HPSE: variants seen among roughly 807,000 people sequenced by gnomAD.
The protein encoded by HPSE is endo-glucoronidase.
HPSE carries 48 observed loss-of-function variants against 65.1 expected under a neutral mutation model. The ratio of observed to expected loss-of-function variants is 0.74; its 90% CI spans 0.58 to 0.94. HPSE has a LOEUF of 0.94. Among genes scored for constraint, HPSE ranks in the 40% least tolerant of loss-of-function variants. HPSE has a pLI of 0.00. For missense variants in HPSE, 644 were observed against 637.5 expected (o/e 1.01, Z -0.11); for synonymous variants, 243 against 260.0 (o/e 0.93, Z 0.63).
At chr4:83,306,662 C>T (rs1352433837) in intron 8 of HPSE, among the ~76,000 whole-genome samples, 2 of 152,150 alleles carry the variant, frequency 1.3e-5, no homozygotes, top group Non-Finnish European at 1.5e-5. Context: ...TTCTTCATTC[C>T]TGGGTGTAGG....
intron 8 of HPSE, among the ~76,000 whole-genome samples, chr4:83,307,323 A>AT (rs1553919478): frequency 6.6e-6 from 1 of 152,192 alleles, no homozygotes; most frequent in Non-Finnish European, 1.5e-5. Flanking sequence ...GTTCTGGTTT[A>AT]TTGATCTTTG....
chr4:83,315,976 C>G (rs1016962234), intron 3 of HPSE, among the ~76,000 whole-genome samples: 1 of 152,146 alleles, frequency 6.6e-6, no homozygotes, highest in South Asian at 2.1e-4. Flanking sequence ...GTAACATCTC[C>G]TGGAATAGAG....
rs542467019 is a variant in HPSE at position 83,331,064 on chromosome 4, C to T, written c.227+3492G>A. On this transcript the variant is annotated intron_variant, in intron 1 of 11. Transcript: ENST00000311412. ...TACTAAAAATACACAATTAGCCAGG[C>T]GTGGTGGTGCATGCCTCTAGTCCCA... Among the ~76,000 whole-genome samples the T allele has an allele frequency of 8.1e-4, 124 of 152,168 alleles. 1 individual carries two copies. The highest frequency in any genetic ancestry group is 2.9e-3 in the African/African-American group (119 of 41,490).
Position 83,300,687 on chromosome 4 carries a change from C to T in HPSE, c.1472+273G>A, listed in dbSNP as rs1196754276. Among the ~76,000 whole-genome samples, 2 of 72,016 alleles carry T rather than the reference C, an allele frequency of 2.8e-5. 1 individual carries two copies. Among genetic ancestry groups the T allele is most frequent in the South Asian group, 1.3e-3 (2 of 1,488 alleles). The allele number at this position is 72,016 out of a possible 152,430, so 47.2% of individuals were successfully genotyped here. ...AAAATTAGCCGGGCGTAGTGGCGGGCGCCTGTAGTCCCAGCTACTTGGGAG... is the reference window on the plus strand; with the variant it reads ...AAAATTAGCCGGGCGTAGTGGCGGGTGCCTGTAGTCCCAGCTACTTGGGAG... On this transcript the variant is annotated intron_variant, in intron 11 of 11. Coordinates refer to ENST00000311412, the MANE Select transcript of HPSE (RefSeq NM_001098540.3).
intron 11 of HPSE, among the ~76,000 whole-genome samples, chr4:83,299,451 C>T (rs909393431): frequency 6.7e-6 from 1 of 150,314 alleles, no homozygotes; most frequent in Non-Finnish European, 1.5e-5. Context: ...ACTTCTGGAT[C>T]TCTCCCCTGA....
chr4:83,310,883 G>T lies in HPSE; in HGVS notation c.681C>A (p.Asn227Lys). 2 of 1,611,478 alleles carry T rather than the reference G, an allele frequency of 1.2e-6. No individual in the cohort carries two copies. Among genetic ancestry groups the T allele is most frequent in the Non-Finnish European group, 8.5e-7 (1 of 1,178,312 alleles). ...AAATATCAGCCTTCTTAAGGAAACT[G>T]TTAGGTTCTGAAAGACAGCAATTCT... The part of the protein sequence containing the change: ...NISWELGNEP[N>K]SFLKKADIFI... Residue 227 changes from asparagine to lysine, a missense_variant, in exon 5 of 12, where the codon AAC becomes AAA. Asn to Lys is a moderately conservative substitution (Grantham distance 94). Coordinates refer to ENST00000311412, the MANE Select transcript of HPSE (RefSeq NM_001098540.3).
At chr4:83,308,787 A>G (rs1736247031) in intron 8 of HPSE, 58 bp downstream of exon 8, 5 of 1,312,044 alleles carry the variant, frequency 3.8e-6, no homozygotes, top group Non-Finnish European at 5.5e-6. Context: ...TTTCAGCAGA[A>G]TAGAAGGATG....
rs1735689895 is a variant in HPSE, at chr4:83,295,479, A to C, written c.1497T>G (p.Thr499=). ...LSKSVQLNGL[T]LKMVDDQTLP... is the part of the protein sequence containing the mutation. Reference sequence around the variant, plus strand: ...AGGTTTGATCATCCACCATCTTTAGAGTTAGACCATTGAGTTGGACAGATC... The same window carrying C: ...AGGTTTGATCATCCACCATCTTTAGCGTTAGACCATTGAGTTGGACAGATC... Residue 499 remains threonine, a synonymous_variant, in exon 12 of 12, where the codon ACT becomes ACG. Coordinates refer to ENST00000311412, the MANE Select transcript of HPSE (RefSeq NM_001098540.3). 2.5e-6 allele frequency: 4 copies of C among 1,609,708 alleles called. No individual in the cohort carries two copies. In the African/African-American group the frequency reaches 4.0e-5, roughly 16 times the overall value.
intron 11 of HPSE, among the ~76,000 whole-genome samples, chr4:83,296,275 T>C (rs1735719230): frequency 6.6e-6 from 1 of 152,224 alleles, no homozygotes. Context: ...TAGTCGGCTG[T>C]AGGTCTATTG....
intron 8 of HPSE, among the ~76,000 whole-genome samples, chr4:83,308,139 G>A (rs4461516): frequency 0.52 from 78,410 of 150,520 alleles, 20,997 homozygotes; most frequent in East Asian, 0.78. Flanking sequence ...CGGGCGTGGT[G>A]GCTCATGTCC....
chr4:83,312,860 A>C (rs1736457676), intron 4 of HPSE, among the ~76,000 whole-genome samples: 1 of 134,618 alleles, frequency 7.4e-6, no homozygotes, highest in African/African-American at 2.9e-5. Context: ...AAAAAAAAAA[A>C]AAAAAAAAAA....
At chr4:83,311,182 G>A (rs1205547035) in intron 4 of HPSE, among the ~76,000 whole-genome samples, 1 of 152,018 alleles carries the variant, frequency 6.6e-6, no homozygotes, top group African/African-American at 2.4e-5. Flanking sequence ...GGTGGTGCAT[G>A]CCTGTAGTCT....
intron 11 of HPSE, among the ~76,000 whole-genome samples, chr4:83,300,451 T>C (rs1735897007): frequency 6.6e-6 from 1 of 152,232 alleles, no homozygotes; most frequent in African/African-American, 2.4e-5. Context: ...GCAAACTTAT[T>C]CTCTAAGATA....
chr4:83,301,252 C>A, intron 10 of HPSE, 146 bp from the exon 11 acceptor site: 3 of 509,660 alleles, frequency 5.9e-6, no homozygotes, highest in Non-Finnish European at 6.8e-6. Context: ...TGACAGTGGG[C>A]CCTCTTAGTA....
Position 83,295,506 on chromosome 4 carries a change from G to A in HPSE, c.1473-3C>T. On this transcript the variant is annotated splice_polypyrimidine_tract_variant and splice_region_variant and intron_variant, in intron 11 of 11. Coordinates refer to ENST00000311412, the MANE Select transcript of HPSE (RefSeq NM_001098540.3). The stretch of plus-strand genomic sequence containing the variant: ...TTAGACCATTGAGTTGGACAGATCT[G>A]CAAAGGAGAAAGATACACCGAGTTA... The A allele has an allele frequency of 1.3e-6, 2 of 1,574,824 alleles. No homozygotes were observed. The highest frequency in any genetic ancestry group is 1.7e-6 in the Non-Finnish European group (2 of 1,155,388).
Position 83,294,766 on chromosome 4 carries a change from A to G in HPSE, c.*578T>C, listed in dbSNP as rs1394089301. 6.6e-6 allele frequency: 1 copy of G among 152,272 alleles called. No individual in the cohort carries two copies. Among genetic ancestry groups the G allele is most frequent in the East Asian group, 1.9e-4 (1 of 5,188 alleles). The allele number at this position is 152,272 out of a possible 1,614,324, so 9.4% of individuals were successfully genotyped here. A position where few individuals can be genotyped will look rare whatever the true frequency, so the allele number is the denominator to read the frequency against. ...CAGAATGATACCCTGTCTCAAAAAT[A>G]AAACACTGCTGGGTGTGGTGGCTCA... On this transcript the variant is annotated 3_prime_UTR_variant, in exon 12 of 12. Transcript: ENST00000311412.
chr4:83,331,516 G>A (rs1311795440), intron 1 of HPSE, among the ~76,000 whole-genome samples: 1 of 152,128 alleles, frequency 6.6e-6, no homozygotes, highest in Non-Finnish European at 1.5e-5. Context: ...GCTCTCTTTG[G>A]AGTTCTGCAC....
chr4:83,331,909 CAG>C (rs1277635458), intron 1 of HPSE, among the ~76,000 whole-genome samples: 1 of 152,172 alleles, frequency 6.6e-6, no homozygotes, highest in East Asian at 1.9e-4. Flanking sequence ...CTCATGTGAT[CAG>C]AGTCTAGTTT....
At chr4:83,316,810 C>T (rs547767262) in intron 3 of HPSE, among the ~76,000 whole-genome samples, 177 of 152,300 alleles carry the variant, frequency 1.2e-3, no homozygotes, top group Non-Finnish European at 2.3e-3. Flanking sequence ...TTAAGTGGAA[C>T]GCACCATACA....
Sources: gnomAD v4.1 joint callset for allele counts (sites outside exome capture counted in the v4.1 genomes callset) on GRCh38, gnomAD v4.1.1 for gene constraint, MANE v1.5 for transcripts, NCBI Gene and HGNC (gene_info 2026-07-23, HGNC 2026-07-21) for gene names.